The following OMA1 variants were observed in gnomAD, a reference collection of about 807,000 sequenced individuals.
OMA1 encodes the protein metalloendopeptidase OMA1, mitochondrial.
Under a neutral mutation model 30.9 loss-of-function variants are expected in OMA1, and 38 were observed. The ratio of observed to expected loss-of-function variants is 1.23; its 90% CI spans 0.95 to 1.61. OMA1 has a LOEUF of 1.61. Ranked by LOEUF, OMA1 falls within the 40% of genes most tolerant of loss-of-function variation. The pLI, the probability that OMA1 is intolerant of heterozygous loss-of-function variation, is 0.00. For synonymous variants in OMA1, 173 were observed against 121.9 expected (o/e 1.42, Z -2.76); for missense variants, 461 against 349.2 (o/e 1.32, Z -2.55).
chr1:58,522,225 C>T (rs1000353116), intron 7 of OMA1, among the ~76,000 whole-genome samples: 6 of 151,992 alleles, frequency 3.9e-5, no homozygotes, highest in South Asian at 2.1e-4. Context: ...GGGCTTAATA[C>T]CTAGGTGATG....
chr1:58,532,006 C>T (rs1447789558), intron 5 of OMA1, among the ~76,000 whole-genome samples: 1 of 151,550 alleles, frequency 6.6e-6, no homozygotes, highest in Non-Finnish European at 1.5e-5. Context: ...TGTGCCCAGC[C>T]CAATTATGAA....
chr1:58,532,288 C>T (rs551585967), intron 5 of OMA1, among the ~76,000 whole-genome samples: 5 of 152,238 alleles, frequency 3.3e-5, no homozygotes, highest in African/African-American at 1.2e-4. Context: ...CTGCTGTTTG[C>T]TTTTTACACC....
chr1:58,532,462 G>A (rs996962145), intron 5 of OMA1, among the ~76,000 whole-genome samples: 12 of 152,168 alleles, frequency 7.9e-5, no homozygotes, highest in African/African-American at 2.7e-4. Context: ...AAAGATATTA[G>A]AGTGCATATA....
chr1:58,509,975 T>A (rs1291055269), intron 7 of OMA1, among the ~76,000 whole-genome samples: 2 of 152,042 alleles, frequency 1.3e-5, no homozygotes, highest in African/African-American at 2.4e-5. Context: ...CTATAACTAA[T>A]GAGATTGAGT....
At chr1:58,544,526 A>G (rs1646670866) in intron 1 of OMA1, among the ~76,000 whole-genome samples, 1 of 152,304 alleles carries the variant, frequency 6.6e-6, no homozygotes, top group African/African-American at 2.4e-5. Context: ...TGCAGTTCAA[A>G]TTTCTACGGG....
intron 8 of OMA1, among the ~76,000 whole-genome samples, chr1:58,501,945 CA>C (rs1213911735): frequency 6.6e-6 from 1 of 152,118 alleles, no homozygotes; most frequent in Admixed American, 6.5e-5. Flanking sequence ...CTCCCGCCCC[CA>C]GCACCAAATT....
chr1:58,521,012 C>T lies in OMA1; in HGVS notation c.1215+6249G>A, dbSNP rs372957112. On this transcript the variant is annotated intron_variant, in intron 7 of 8. Coordinates refer to ENST00000371226, the MANE Select transcript of OMA1 (RefSeq NM_145243.5). ...ATGGCAGGATCCACTTTCAAGTGCA[C>T]GTCATTTTGACAAAATTGATCACAT... Among the ~76,000 whole-genome samples, 18 of 152,270 alleles carry T rather than the reference C, an allele frequency of 1.2e-4. No individual in the cohort carries two copies. The East Asian group carries it at 1.7e-3, about 15-fold the overall frequency.
chr1:58,483,623 G>A (rs1258103626), intron 8 of OMA1, among the ~76,000 whole-genome samples: 1 of 152,134 alleles, frequency 6.6e-6, no homozygotes, highest in East Asian at 1.9e-4. Context: ...AAACTGAATT[G>A]ACACAACAAG....
intron 8 of OMA1, among the ~76,000 whole-genome samples, chr1:58,504,265 T>C (rs1337730402): frequency 6.6e-6 from 1 of 152,200 alleles, no homozygotes; most frequent in Non-Finnish European, 1.5e-5. Flanking sequence ...TGTTCTTCCC[T>C]TCCCTTACTC....
chr1:58,491,864 A>G (rs954004258), intron 8 of OMA1, among the ~76,000 whole-genome samples: 1 of 152,198 alleles, frequency 6.6e-6, no homozygotes, highest in Non-Finnish European at 1.5e-5. Flanking sequence ...AATGAGACAA[A>G]AAGTTAACAA....
At chr1:58,502,952 T>A (rs1645929394) in intron 8 of OMA1, among the ~76,000 whole-genome samples, 1 of 152,224 alleles carries the variant, frequency 6.6e-6, no homozygotes, top group Admixed American at 6.5e-5. Flanking sequence ...TTTGTCTTCA[T>A]CATTTGCTCC....
intron 7 of OMA1, among the ~76,000 whole-genome samples, chr1:58,509,804 C>T (rs1160447926): frequency 1.3e-5 from 2 of 151,618 alleles, no homozygotes; most frequent in Non-Finnish European, 2.9e-5. Context: ...AAAGAGGACA[C>T]ATTACAGCAT....
At chr1:58,490,061 C>T (rs186883883) in intron 8 of OMA1, among the ~76,000 whole-genome samples, 3 of 152,308 alleles carry the variant, frequency 2.0e-5, no homozygotes, top group East Asian at 1.9e-4. Flanking sequence ...GAACACAGCT[C>T]GTCACCAGCA....
chr1:58,526,510 T>C (rs1184561770), intron 7 of OMA1, among the ~76,000 whole-genome samples: 1 of 150,274 alleles, frequency 6.7e-6, no homozygotes, highest in African/African-American at 2.5e-5. Flanking sequence ...TCACAGGTGA[T>C]TAAAAATAGC....
chr1:58,498,677 T>C (rs1331331994), intron 8 of OMA1, among the ~76,000 whole-genome samples: 1 of 152,234 alleles, frequency 6.6e-6, no homozygotes. Context: ...TATATAACTA[T>C]GTTTCTTGAA....
At chr1:58,494,854 A>G (rs563051769) in intron 8 of OMA1, among the ~76,000 whole-genome samples, 117 of 152,338 alleles carry the variant, frequency 7.7e-4, no homozygotes, top group African/African-American at 2.6e-3. Flanking sequence ...TGTGGAAGTC[A>G]GTGTGGCGAT....
At chr1:58,539,720 G>A (rs992816303) in intron 1 of OMA1, among the ~76,000 whole-genome samples, 11 of 152,226 alleles carry the variant, frequency 7.2e-5, no homozygotes, top group Non-Finnish European at 1.6e-4. Context: ...TGGACATTAC[G>A]CAATGAAGAA....
intron 6 of OMA1, among the ~76,000 whole-genome samples, chr1:58,528,017 A>T (rs1316714655): frequency 6.6e-6 from 1 of 152,252 alleles, no homozygotes; most frequent in Non-Finnish European, 1.5e-5. Context: ...ACTTTTGAGA[A>T]AAGAGCTATT....
intron 8 of OMA1, among the ~76,000 whole-genome samples, chr1:58,490,338 A>C (rs1039851387): frequency 6.6e-6 from 1 of 152,214 alleles, no homozygotes; most frequent in Non-Finnish European, 1.5e-5. Flanking sequence ...AAGAAAAGGT[A>C]TCAGTGATGG....
Sources: gnomAD v4.1 joint callset for allele counts (sites outside exome capture counted in the v4.1 genomes callset) on GRCh38, gnomAD v4.1.1 for gene constraint, MANE v1.5 for transcripts, NCBI Gene and HGNC (gene_info 2026-07-23, HGNC 2026-07-21) for gene names.